C3orf49: variants seen among roughly 807,000 people sequenced by gnomAD.
C3orf49 encodes putative uncharacterized protein C3orf49.
Under a neutral mutation model 13.3 loss-of-function variants are expected in C3orf49, and 27 were observed. The observed-to-expected ratio is 2.02, with a 90% CI of 1.49 to 2.79. The LOEUF (loss-of-function observed/expected upper bound fraction) is 2.79, where lower values mean the gene tolerates loss of function less well. Ranked by LOEUF, C3orf49 falls within the 30% of genes most tolerant of loss-of-function variation. C3orf49 has a pLI of 0.00. For missense variants in C3orf49, 242 were observed against 134.2 expected (o/e 1.80, Z -3.97); for synonymous variants, 87 against 47.6 (o/e 1.83, Z -3.40).
chr3:63,823,491 A>C lies in C3orf49; in HGVS notation c.367A>C (p.Ser123Arg). 1.4e-6 allele frequency: 1 copy of C among 703,060 alleles called. No homozygotes were observed. The highest frequency in any genetic ancestry group is 2.6e-6 in the Non-Finnish European group (1 of 385,012). The allele number at this position is 703,060 out of a possible 1,614,324, so 43.6% of individuals were successfully genotyped here. ...AGAAGCCCTCCTGTCAAACACGCAGAGCCTTCTCCCTAGGATTGTCAAGGA... is the reference window on the plus strand; with the variant it reads ...AGAAGCCCTCCTGTCAAACACGCAGCGCCTTCTCCCTAGGATTGTCAAGGA... ...HKEALLSNTQ[S>R]LLPRIVKEFS... Residue 123 changes from serine (S) to arginine (R), a missense_variant, in exon 2 of 7, where the codon AGC (serine) becomes CGC (arginine). Ser to Arg is a moderately radical substitution (Grantham distance 110, BLOSUM62 -1). Coordinates refer to ENST00000295896, the MANE Select transcript of C3orf49 (RefSeq NM_001355236.2).
At chr3:63,843,114 T>G (rs1238765044) in intron 5 of C3orf49, among the ~76,000 whole-genome samples, 1 of 147,912 alleles carries the variant, frequency 6.8e-6, no homozygotes, top group Non-Finnish European at 1.5e-5. Flanking sequence ...GTATGTATAT[T>G]TGTTTGTTTG....
intron 5 of C3orf49, among the ~76,000 whole-genome samples, chr3:63,834,546 G>T (rs929573515): frequency 5.3e-5 from 8 of 151,764 alleles, no homozygotes; most frequent in African/African-American, 1.9e-4. Context: ...TGTAATTCCA[G>T]CTACTAGGGA....
At chr3:63,832,731 T>A (rs1701550379) in intron 5 of C3orf49, 1 of 152,190 alleles carries the variant, frequency 6.6e-6, no homozygotes, top group East Asian at 1.9e-4. Context: ...GTTTCATAAT[T>A]CTTACTAATA....
the C3orf49 span, among the ~76,000 whole-genome samples, chr3:63,811,955 C>G: frequency 6.6e-6 from 1 of 151,130 alleles, no homozygotes; most frequent in Admixed American, 6.6e-5. Context: ...ACTAGTTGAA[C>G]TCTGTTCATG....
the C3orf49 span, among the ~76,000 whole-genome samples, chr3:63,793,478 T>C: frequency 6.6e-6 from 1 of 151,986 alleles, no homozygotes; most frequent in Non-Finnish European, 1.5e-5. Context: ...CCTCTCCTTC[T>C]CTTGGAGGCA....
the C3orf49 span, among the ~76,000 whole-genome samples, chr3:63,786,321 T>C: frequency 1.3e-5 from 2 of 152,188 alleles, no homozygotes; most frequent in African/African-American, 4.8e-5. Flanking sequence ...TTTCTATTCT[T>C]GAAAAATTTC....
At chr3:63,806,009 C>T in the C3orf49 span, among the ~76,000 whole-genome samples, 2,715 of 152,246 alleles carry the variant, frequency 0.018, 32 homozygotes, top group African/African-American at 0.04. Context: ...CCCATTTCCT[C>T]CATACTCACC....
intron 1 of C3orf49, 118 bp downstream of exon 1, chr3:63,819,714 T>C: frequency 1.6e-6 from 1 of 623,734 alleles, no homozygotes. Flanking sequence ...GCGGGGAGGG[T>C]ACTGCGTTGG....
chr3:63,786,741 T>C, the C3orf49 span, among the ~76,000 whole-genome samples: 2 of 152,214 alleles, frequency 1.3e-5, no homozygotes, highest in Non-Finnish European at 2.9e-5. Context: ...CTCTATGTCA[T>C]AGGTACTGAT....
the C3orf49 span, among the ~76,000 whole-genome samples, chr3:63,801,677 C>T: frequency 6.6e-6 from 1 of 152,060 alleles, no homozygotes; most frequent in Non-Finnish European, 1.5e-5. Flanking sequence ...TAGTTAGTGC[C>T]CAGCGTCAGC....
the C3orf49 span, among the ~76,000 whole-genome samples, chr3:63,798,004 G>T: frequency 8.5e-5 from 13 of 152,118 alleles, no homozygotes; most frequent in Non-Finnish European, 1.9e-4. Context: ...CAATCTTACA[G>T]GGTGATCTAG....
At chr3:63,791,242 C>T in the C3orf49 span, among the ~76,000 whole-genome samples, 2 of 152,242 alleles carry the variant, frequency 1.3e-5, no homozygotes, top group East Asian at 1.9e-4. Context: ...TCTAAAACTT[C>T]CTTTGTTGGA....
chr3:63,815,475 A>G (rs1179898413), upstream of C3orf49, among the ~76,000 whole-genome samples: 1 of 152,198 alleles, frequency 6.6e-6, no homozygotes, highest in Non-Finnish European at 1.5e-5. Flanking sequence ...AAACGTATGC[A>G]TAACTATGCC....
the C3orf49 span, among the ~76,000 whole-genome samples, chr3:63,783,563 C>T: frequency 1.4e-5 from 2 of 142,730 alleles, no homozygotes; most frequent in African/African-American, 2.6e-5. Flanking sequence ...CACACACACA[C>T]ACAAATTAGC....
the C3orf49 span, among the ~76,000 whole-genome samples, chr3:63,814,016 T>G: frequency 5.9e-5 from 9 of 152,330 alleles, no homozygotes; most frequent in East Asian, 1.7e-3. Flanking sequence ...GAATCTCAGC[T>G]TACCAAGTTT....
chr3:63,784,988 C>T, the C3orf49 span: 1 of 151,726 alleles, frequency 6.6e-6, no homozygotes, highest in African/African-American at 2.4e-5. Context: ...TAGTTTTGAA[C>T]TCCTAATCTG....
upstream of C3orf49, among the ~76,000 whole-genome samples, chr3:63,814,352 A>T (rs1406266667): frequency 6.6e-6 from 1 of 151,864 alleles, no homozygotes; most frequent in Non-Finnish European, 1.5e-5. Flanking sequence ...GTTTACCACA[A>T]TTCCCACCCC....
intron 6 of C3orf49, among the ~76,000 whole-genome samples, chr3:63,847,512 C>G (rs1013674767): frequency 3.3e-5 from 5 of 152,090 alleles, no homozygotes; most frequent in Non-Finnish European, 7.4e-5. Flanking sequence ...CAGAGGCGAG[C>G]GGATCACTTG....
intron 5 of C3orf49, among the ~76,000 whole-genome samples, chr3:63,832,575 T>C (rs1310570665): frequency 6.6e-6 from 1 of 151,982 alleles, no homozygotes; most frequent in East Asian, 1.9e-4. Flanking sequence ...CATAGAAGAA[T>C]TGCTTAAGCC....
Sources: gnomAD v4.1 joint callset for allele counts (sites outside exome capture counted in the v4.1 genomes callset) on GRCh38, gnomAD v4.1.1 for gene constraint, MANE v1.5 for transcripts, NCBI Gene and HGNC (gene_info 2026-07-23, HGNC 2026-07-21) for gene names.